Variants in PHF14 observed in about 807,000 individuals in gnomAD.
The protein encoded by PHF14 is PHD finger protein 14.
Under a neutral mutation model 117.9 loss-of-function variants are expected in PHF14, and 55 were observed. That is an observed-to-expected ratio of 0.47 (90% confidence interval 0.38 to 0.58). PHF14 has a LOEUF of 0.58. Ranked by LOEUF, PHF14 falls within the 20% of genes least tolerant of loss-of-function variation. PHF14 has a pLI of 0.00. For missense variants in PHF14, 978 were observed against 1,122.2 expected (o/e 0.87, Z 1.84); for synonymous variants, 409 against 368.6 (o/e 1.11, Z -1.26).
chr7:11,046,682 A>C (rs1430467266), intron 13 of PHF14, among the ~76,000 whole-genome samples: 1 of 152,204 alleles, frequency 6.6e-6, no homozygotes, highest in Non-Finnish European at 1.5e-5. Context: ...TAAAATTTAC[A>C]AGTTGAGTTA....
rs112207822 is a variant in PHF14 at position 10,975,931 on chromosome 7, CTTTTAG to C, written c.112+988_112+993del. Among the ~76,000 whole-genome samples the C allele has an allele frequency of 3.5e-3, 528 of 152,016 alleles. 1 individual carries two copies. The highest frequency in any genetic ancestry group is 0.012 in the African/African-American group (510 of 41,504). On this transcript the variant is annotated intron_variant, in intron 2 of 17. Coordinates refer to ENST00000634607, the MANE Select transcript of PHF14 (RefSeq NM_001007157.2). ...GAACGAAATTATATTACTGTTGCTA[CTTTTAG>C]TAGCATCAACAGCAGAATTTGCATT... is the stretch of plus-strand genomic sequence containing the variant.
At chr7:11,021,342 A>G (rs1308993207) in intron 5 of PHF14, among the ~76,000 whole-genome samples, 1 of 152,188 alleles carries the variant, frequency 6.6e-6, no homozygotes, top group Non-Finnish European at 1.5e-5. Context: ...GTTATAAATA[A>G]TGTGCATCTA....
chr7:11,152,424 A>T lies in PHF14; in HGVS notation c.2773-16992A>T, dbSNP rs532720630. Among the ~76,000 whole-genome samples the T allele has an allele frequency of 2.9e-4, 44 of 152,268 alleles. 1 individual carries two copies. In the South Asian group the frequency reaches 9.1e-3, roughly 32 times the overall value. On this transcript the variant is annotated intron_variant, in intron 17 of 17. Coordinates refer to ENST00000634607, the MANE Select transcript of PHF14 (RefSeq NM_001007157.2). ...TTTATCTTGCCTGGCTTTTGTGAGGATTATAAATAACGAACGTAAATACAA... is the reference window on the plus strand; with the variant it reads ...TTTATCTTGCCTGGCTTTTGTGAGGTTTATAAATAACGAACGTAAATACAA...
chr7:10,982,316 G>A (rs1328979993), intron 2 of PHF14, 56 bp from the exon 3 acceptor site: 2 of 1,118,250 alleles, frequency 1.8e-6, no homozygotes, highest in South Asian at 1.8e-5. Flanking sequence ...CGTTGTGTGT[G>A]TGTGTGTGTA....
At chr7:11,022,821 A>C (rs1346127518) in intron 5 of PHF14, 47 bp from the exon 6 acceptor site, 1 of 1,079,448 alleles carries the variant, frequency 9.3e-7, no homozygotes, top group Non-Finnish European at 1.4e-6. Flanking sequence ...TGTGTGTGGG[A>C]ATTTTATTAA....
chr7:11,038,954 A>G (rs1784410685), intron 11 of PHF14, 99 bp downstream of exon 11: 3 of 510,988 alleles, frequency 5.9e-6, no homozygotes, highest in South Asian at 3.5e-5. Flanking sequence ...CTAACCGAAG[A>G]ATTCTGTTTG....
rs113393816 is a variant in PHF14 at position 11,154,333 on chromosome 7, C to CAAG, written c.2773-15082_2773-15080dup. On this transcript the variant is annotated intron_variant, in intron 17 of 17. Coordinates refer to ENST00000634607, the MANE Select transcript of PHF14 (RefSeq NM_001007157.2). ...GAAAAACAAAATGTAAACATCATTT[C>CAAG]AAGGTGAATTAAATTACTTTTAATT... Among the ~76,000 whole-genome samples the CAAG allele has an allele frequency of 7.3e-3, 1,107 of 152,208 alleles. 17 individuals carry two copies. The highest frequency in any genetic ancestry group is 0.026 in the African/African-American group (1,064 of 41,536).
chr7:11,075,590 T>A (rs1294930460), intron 16 of PHF14, among the ~76,000 whole-genome samples: 23 of 95,382 alleles, frequency 2.4e-4, no homozygotes, highest in African/African-American at 8.2e-4. Flanking sequence ...TTTTTTTTTT[T>A]ATTATTATGC....
chr7:11,044,273 C>T (rs929755081), intron 13 of PHF14, among the ~76,000 whole-genome samples: 1 of 151,722 alleles, frequency 6.6e-6, no homozygotes, highest in Non-Finnish European at 1.5e-5. Flanking sequence ...ATGCAGTATA[C>T]CCATGTAACA....
chr7:11,036,798 A>G (rs926292972), intron 9 of PHF14, 110 bp downstream of exon 9: 23 of 1,031,002 alleles, frequency 2.2e-5, no homozygotes, highest in Non-Finnish European at 3.1e-5. Context: ...TGCATATATC[A>G]TAGAGGGATG....
chr7:11,165,452 A>T (rs1344979515), intron 17 of PHF14, among the ~76,000 whole-genome samples: 2 of 152,188 alleles, frequency 1.3e-5, no homozygotes, highest in African/African-American at 4.8e-5. Flanking sequence ...AAAGGTACTT[A>T]CATCAACATC....
At chr7:10,982,106 T>G (rs2128308062) in intron 2 of PHF14, among the ~76,000 whole-genome samples, 1 of 152,314 alleles carries the variant, frequency 6.6e-6, no homozygotes, top group African/African-American at 2.4e-5. Flanking sequence ...CACAAATTAG[T>G]GCTTCTCTTT....
chr7:11,106,117 A>G, intron 16 of PHF14: 1 of 983,998 alleles, frequency 1.0e-6, no homozygotes, highest in Non-Finnish European at 1.2e-6. Context: ...TTTTATATGA[A>G]TTGTTTTGTC....
chr7:11,168,797 C>T (rs746918815), intron 17 of PHF14, among the ~76,000 whole-genome samples: 23 of 152,068 alleles, frequency 1.5e-4, no homozygotes, highest in Admixed American at 3.3e-4. Flanking sequence ...TAATACTGAA[C>T]ACAAGATGCA....
chr7:11,036,969 T>C lies in PHF14; in HGVS notation c.1874-16T>C, dbSNP rs1290920389. On this transcript the variant is annotated splice_polypyrimidine_tract_variant and intron_variant, in intron 9 of 17. Transcript: ENST00000634607. ...TACTTCCTACTAAAGTAAAATTCGA[T>C]ATTTCATTTAAATAGAGAGAAATAT... The C allele has an allele frequency of 6.9e-7, 1 of 1,455,354 alleles. No individual in the cohort carries two copies. Among genetic ancestry groups the C allele is most frequent in the Admixed American group, 2.3e-5 (1 of 44,186 alleles). 90.2% of individuals were successfully genotyped at this position (1,455,354 alleles called of 1,614,324 possible).
intron 4 of PHF14, among the ~76,000 whole-genome samples, chr7:11,007,396 C>T (rs140166910): frequency 2.2e-4 from 33 of 152,104 alleles, no homozygotes; most frequent in African/African-American, 7.2e-4. Flanking sequence ...ATTTTCTGTA[C>T]AGTTAACACC....
chr7:11,137,350 G>C (rs1032274232), intron 17 of PHF14, among the ~76,000 whole-genome samples: 1 of 151,372 alleles, frequency 6.6e-6, no homozygotes, highest in African/African-American at 2.4e-5. Context: ...AAGTGCTTTT[G>C]TGTGTGACAG....
chr7:10,982,278 C>T (rs1249969105), intron 2 of PHF14, 94 bp from the exon 3 acceptor site: 7 of 774,342 alleles, frequency 9.0e-6, no homozygotes, highest in Non-Finnish European at 1.4e-5. Flanking sequence ...AAGTTATTCA[C>T]AAATTTTGGT....
In PHF14 at chr7:11,043,318, C is replaced by T. The variant is rs1314481746; in HGVS notation, c.2312+504C>T. Among the ~76,000 whole-genome samples the T allele has an allele frequency of 2.6e-5, 4 of 151,646 alleles. No individual in the cohort carries two copies. In the East Asian group the frequency reaches 7.7e-4, roughly 29 times the overall value. On this transcript the variant is annotated intron_variant, in intron 13 of 17. Coordinates refer to ENST00000634607, the MANE Select transcript of PHF14 (RefSeq NM_001007157.2). ...TTTTATTAACTTAGGCATATCGAAT[C>T]ACTACATTTGATAAAGGTTATAGTA...
Sources: allele counts gnomAD v4.1 joint callset (sites outside exome capture counted in the v4.1 genomes callset), GRCh38; gene constraint gnomAD v4.1.1; transcripts MANE v1.5; gene names NCBI Gene and HGNC (gene_info 2026-07-23, HGNC 2026-07-21).